Variants in ITGB6 observed in about 807,000 individuals in gnomAD.
ITGB6 encodes the protein integrin beta-6.
ITGB6 carries 80 observed loss-of-function variants against 84.5 expected under a neutral mutation model. The ratio of observed to expected loss-of-function variants is 0.95; its 90% confidence interval spans 0.79 to 1.14. The LOEUF is 1.14. Ranked by LOEUF, ITGB6 falls within the 50% of genes most tolerant of loss-of-function variation. The pLI, the probability that ITGB6 is intolerant of heterozygous loss-of-function variation, is 0.00. For missense variants in ITGB6, 1,006 were observed against 968.0 expected (o/e 1.04, Z -0.52); for synonymous variants, 383 against 354.9 (o/e 1.08, Z -0.89).
At chr2:160,128,489 T>G (rs1683325647) in intron 10 of ITGB6, among the ~76,000 whole-genome samples, 1 of 152,124 alleles carries the variant, frequency 6.6e-6, no homozygotes, top group South Asian at 2.1e-4. Context: ...TGTCTAGACA[T>G]TTTTTAGCAT....
At chr2:160,194,443 T>C (rs557079754) in intron 4 of ITGB6, among the ~76,000 whole-genome samples, 18 of 152,092 alleles carry the variant, frequency 1.2e-4, no homozygotes, top group African/African-American at 4.3e-4. Flanking sequence ...ATACTAGATA[T>C]ATAGCAGTAA....
intron 6 of ITGB6, among the ~76,000 whole-genome samples, 167 bp downstream of exon 6, chr2:160,172,402 G>T (rs1213749126): frequency 6.6e-6 from 1 of 152,178 alleles, no homozygotes; most frequent in Non-Finnish European, 1.5e-5. Context: ...GCTCTGGTGG[G>T]AACCTCTGAG....
At chr2:160,169,366 G>T in intron 6 of ITGB6, 59 bp from the exon 7 acceptor site, 2 of 999,284 alleles carry the variant, frequency 2.0e-6, no homozygotes, top group Non-Finnish European at 3.0e-6. Flanking sequence ...ATAAAGAAAG[G>T]AATATTTATT....
At chr2:160,112,031 C>T (rs768304883) in intron 13 of ITGB6, 49 bp downstream of exon 13, 2 of 1,583,182 alleles carry the variant, frequency 1.3e-6, no homozygotes, top group Admixed American at 1.9e-5. Context: ...GCTTTCTCTT[C>T]TCCTGTGTAG....
At chr2:160,127,825 C>A (rs1683297248) in intron 10 of ITGB6, among the ~76,000 whole-genome samples, 1 of 152,110 alleles carries the variant, frequency 6.6e-6, no homozygotes, top group Non-Finnish European at 1.5e-5. Flanking sequence ...AGTTAAGATG[C>A]CATATGATAA....
At chr2:160,138,355 G>A (rs1464909789) in intron 8 of ITGB6, among the ~76,000 whole-genome samples, 156 bp from the exon 9 acceptor site, 1 of 152,146 alleles carries the variant, frequency 6.6e-6, no homozygotes, top group Non-Finnish European at 1.5e-5. Context: ...GCAAGAAAGT[G>A]AGCAATCATA....
At chr2:160,113,640 T>A (rs751423725) in intron 12 of ITGB6, among the ~76,000 whole-genome samples, 41 of 152,226 alleles carry the variant, frequency 2.7e-4, no homozygotes, top group Non-Finnish European at 5.0e-4. Flanking sequence ...AAATGTAGAT[T>A]CTGGGGACCC....
intron 10 of ITGB6, 105 bp from the exon 11 acceptor site, chr2:160,126,706 G>A (rs923828277): frequency 5.6e-6 from 6 of 1,077,046 alleles, no homozygotes; most frequent in Admixed American, 4.6e-5. Context: ...GTCATCAAAA[G>A]ACAAGAAAAA....
At chr2:160,157,476 C>A (rs947826251) in intron 7 of ITGB6, among the ~76,000 whole-genome samples, 3 of 152,136 alleles carry the variant, frequency 2.0e-5, no homozygotes, top group Admixed American at 6.5e-5. Flanking sequence ...TCCACCAGGC[C>A]TCTGCCAGAG....
intron 7 of ITGB6, among the ~76,000 whole-genome samples, chr2:160,154,126 A>G (rs1476511520): frequency 6.6e-6 from 1 of 152,250 alleles, no homozygotes; most frequent in Admixed American, 6.5e-5. Context: ...ATAAAGACAC[A>G]TGCACATGTA....
At chr2:160,138,029 G>T in intron 9 of ITGB6, 36 bp downstream of exon 9, 1 of 1,584,422 alleles carries the variant, frequency 6.3e-7, no homozygotes. Flanking sequence ...ACCCATCCAG[G>T]TATTTATTCA....
intron 12 of ITGB6, among the ~76,000 whole-genome samples, chr2:160,119,505 A>T (rs953014321): frequency 1.4e-4 from 21 of 152,142 alleles, no homozygotes; most frequent in East Asian, 5.8e-4. Flanking sequence ...CACCTTATAC[A>T]AAAATTAATT....
At chr2:160,135,540 C>A (rs901070678) in intron 10 of ITGB6, among the ~76,000 whole-genome samples, 4 of 151,732 alleles carry the variant, frequency 2.6e-5, no homozygotes, top group African/African-American at 9.7e-5. Context: ...CTTCACAGAA[C>A]TGGAAAAAAC....
At chr2:160,179,848 A>G (rs1685589046) in intron 4 of ITGB6, among the ~76,000 whole-genome samples, 1 of 150,912 alleles carries the variant, frequency 6.6e-6, no homozygotes, top group Non-Finnish European at 1.5e-5. Flanking sequence ...CTGTAATCCC[A>G]GCACTTTGGG....
At chr2:160,148,640 C>A (rs1039747127) in intron 7 of ITGB6, among the ~76,000 whole-genome samples, 1 of 152,144 alleles carries the variant, frequency 6.6e-6, no homozygotes, top group Non-Finnish European at 1.5e-5. Context: ...AGAAGCAGGG[C>A]GGGGCATTGC....
intron 6 of ITGB6, among the ~76,000 whole-genome samples, chr2:160,170,605 G>T (rs1167103168): frequency 6.6e-6 from 1 of 152,130 alleles, no homozygotes; most frequent in Non-Finnish European, 1.5e-5. Flanking sequence ...AGATCTGTTG[G>T]TTTAATTCCC....
chr2:160,159,488 C>G (rs571869729), intron 7 of ITGB6, among the ~76,000 whole-genome samples: 32 of 152,276 alleles, frequency 2.1e-4, no homozygotes, highest in Middle Eastern at 3.4e-3. Context: ...CTATACCCAG[C>G]AACAAAAGTA....
intron 12 of ITGB6, among the ~76,000 whole-genome samples, chr2:160,118,753 T>C (rs1315516977): frequency 6.6e-6 from 1 of 150,998 alleles, no homozygotes; most frequent in Non-Finnish European, 1.5e-5. Flanking sequence ...TGTGATTGTA[T>C]ATCTAGAAAA....
At chr2:160,108,251 G>GTGTGTGTGTGTGTGTGTGTGTT (rs1696989651) in intron 13 of ITGB6, among the ~76,000 whole-genome samples, 2 of 147,066 alleles carry the variant, frequency 1.4e-5, no homozygotes, top group African/African-American at 4.9e-5. Flanking sequence ...GTGTGTGTGT[G>GTGTGTGTGTGTGTGTGTGTGTT]TGTGCTGCAT....
Sources: gnomAD v4.1 joint callset for allele counts (sites outside exome capture counted in the v4.1 genomes callset) on GRCh38, gnomAD v4.1.1 for gene constraint, MANE v1.5 for transcripts, NCBI Gene and HGNC (gene_info 2026-07-23, HGNC 2026-07-21) for gene names.